Variants in RIGI observed in about 807,000 individuals in gnomAD.
RIGI encodes the protein antiviral innate immune response receptor RIG-I.
chr9:32,484,690 T>C, the RIGI span, among the ~76,000 whole-genome samples: 1 of 152,248 alleles, frequency 6.6e-6, no homozygotes, highest in Non-Finnish European at 1.5e-5. Flanking sequence ...ATTACGTCAC[T>C]AATCAGTTTT....
the RIGI span, among the ~76,000 whole-genome samples, chr9:32,476,653 T>TC: frequency 6.6e-6 from 1 of 152,052 alleles, no homozygotes; most frequent in Non-Finnish European, 1.5e-5. Flanking sequence ...CGGCTTTTTT[T>TC]TTTTTTTTAG....
At chr9:32,467,339 T>A in the RIGI span, among the ~76,000 whole-genome samples, 1 of 152,094 alleles carries the variant, frequency 6.6e-6, no homozygotes, top group South Asian at 2.1e-4. Context: ...GCTGTACTTA[T>A]GGAATTTTAA....
At chr9:32,465,866 C>G in the RIGI span, among the ~76,000 whole-genome samples, 1 of 152,288 alleles carries the variant, frequency 6.6e-6, no homozygotes, top group South Asian at 2.1e-4. Context: ...AGAGGTTGAT[C>G]TGAATAGGCA....
At chr9:32,505,193 T>C in the RIGI span, among the ~76,000 whole-genome samples, 1 of 150,788 alleles carries the variant, frequency 6.6e-6, no homozygotes, top group South Asian at 2.1e-4. Flanking sequence ...ATCAATCTAA[T>C]AGAAAATAGA....
the RIGI span, chr9:32,459,286 G>A: frequency 7.0e-7 from 1 of 1,431,382 alleles, no homozygotes; most frequent in Non-Finnish European, 9.6e-7. Context: ...GGAAATAATA[G>A]TAGTTTTATT....
At chr9:32,455,914 C>T in the RIGI span, 1 of 152,164 alleles carries the variant, frequency 6.6e-6, no homozygotes, top group African/African-American at 2.4e-5. Context: ...TGGCTCCCCG[C>T]CTGCACCACT....
At chr9:32,469,822 G>C in the RIGI span, among the ~76,000 whole-genome samples, 1 of 152,184 alleles carries the variant, frequency 6.6e-6, no homozygotes, top group Non-Finnish European at 1.5e-5. Flanking sequence ...AAACCGTGTG[G>C]ATCCTAAAGA....
chr9:32,459,385 C>G, the RIGI span: 6 of 1,613,498 alleles, frequency 3.7e-6, no homozygotes, highest in Non-Finnish European at 5.1e-6. Flanking sequence ...ATCACTCTTA[C>G]GTCAGCTGTG....
chr9:32,473,359 C>T, the RIGI span, among the ~76,000 whole-genome samples: 2 of 147,530 alleles, frequency 1.4e-5, no homozygotes, highest in East Asian at 2.0e-4. Flanking sequence ...ACGATCTTCG[C>T]TCACTGCAAC....
the RIGI span, among the ~76,000 whole-genome samples, chr9:32,520,646 T>A: frequency 6.6e-6 from 1 of 152,188 alleles, no homozygotes; most frequent in South Asian, 2.1e-4. Context: ...AAGGGCTGAT[T>A]TTGAGTTATA....
the RIGI span, among the ~76,000 whole-genome samples, chr9:32,460,026 G>A: frequency 6.6e-6 from 1 of 152,164 alleles, no homozygotes; most frequent in Non-Finnish European, 1.5e-5. Context: ...AGGGACCCAG[G>A]GGGAGGTAAT....
At chr9:32,504,887 T>TATATAATATATATTTAATACATAAA in the RIGI span, among the ~76,000 whole-genome samples, 1 of 139,716 alleles carries the variant, frequency 7.2e-6, no homozygotes, top group African/African-American at 2.6e-5. Context: ...ATACATAAAA[T>TATATAATATATATTTAATACATAAA]ATATAATATA....
At chr9:32,501,137 A>G in the RIGI span, among the ~76,000 whole-genome samples, 1 of 152,022 alleles carries the variant, frequency 6.6e-6, no homozygotes, top group Non-Finnish European at 1.5e-5. Flanking sequence ...CACTCTTCCC[A>G]TCCTCTCTGG....
At chr9:32,491,365 T>C in the RIGI span, 2 of 1,613,280 alleles carry the variant, frequency 1.2e-6, no homozygotes, top group Non-Finnish European at 1.7e-6. Flanking sequence ...AGAAAATCTG[T>C]ATGTCAGAAG....
chr9:32,490,314 A>G, the RIGI span, among the ~76,000 whole-genome samples: 2 of 152,222 alleles, frequency 1.3e-5, no homozygotes, highest in Non-Finnish European at 2.9e-5. Context: ...GGTTGCAGTG[A>G]GCTGAGATTG....
At chr9:32,519,146 G>C in the RIGI span, among the ~76,000 whole-genome samples, 3 of 152,170 alleles carry the variant, frequency 2.0e-5, no homozygotes, top group Non-Finnish European at 4.4e-5. Flanking sequence ...AAGTTAAACT[G>C]AGTAGAAAAT....
the RIGI span, among the ~76,000 whole-genome samples, chr9:32,521,139 CAAA>C: frequency 4.0e-4 from 13 of 32,776 alleles, no homozygotes; most frequent in Non-Finnish European, 5.6e-4. Flanking sequence ...GACACCATCT[CAAA>C]AAAAAAAAAA....
chr9:32,513,645 T>G, the RIGI span, among the ~76,000 whole-genome samples: 5 of 152,258 alleles, frequency 3.3e-5, no homozygotes, highest in East Asian at 9.6e-4. Flanking sequence ...ACCTAGGCAA[T>G]ACCATTCAGG....
At chr9:32,457,296 G>T in the RIGI span, 1 of 1,614,152 alleles carries the variant, frequency 6.2e-7, no homozygotes, top group Non-Finnish European at 8.5e-7. Flanking sequence ...CATGGCTGCA[G>T]TTCTGTCGGG....
Sources: allele counts gnomAD v4.1 joint callset (sites outside exome capture counted in the v4.1 genomes callset), GRCh38; gene constraint gnomAD v4.1.1; transcripts MANE v1.5; gene names NCBI Gene and HGNC (gene_info 2026-07-23, HGNC 2026-07-21).